ATXN8OS: variants seen among roughly 807,000 people sequenced by gnomAD.
The protein encoded by ATXN8OS is ATXN8 opposite strand (non-protein coding).
chr13:70,124,344 C>G (rs903662765), intron 2 of ATXN8OS, among the ~76,000 whole-genome samples: 2 of 151,972 alleles, frequency 1.3e-5, no homozygotes, highest in Non-Finnish European at 2.9e-5. Flanking sequence ...AATAATGTCA[C>G]GAGGTTGTGT....
chr13:70,165,987 C>T (rs1207334448), intron 4 of ATXN8OS, among the ~76,000 whole-genome samples: 4 of 151,870 alleles, frequency 2.6e-5, no homozygotes, highest in Non-Finnish European at 5.9e-5. Flanking sequence ...ACACATTTTC[C>T]TTTGATTGTT....
At chr13:70,152,356 TG>T (rs1888879109) in intron 4 of ATXN8OS, among the ~76,000 whole-genome samples, 1 of 151,956 alleles carries the variant, frequency 6.6e-6, no homozygotes, top group African/African-American at 2.4e-5. Context: ...CCTGTGTGTG[TG>T]TGTATATATA....
chr13:70,150,145 C>T (rs979478453), intron 4 of ATXN8OS, among the ~76,000 whole-genome samples: 6 of 152,052 alleles, frequency 3.9e-5, no homozygotes, highest in African/African-American at 1.4e-4. Flanking sequence ...AAGAGCAGAA[C>T]CATTCTTGCC....
chr13:70,111,323 G>C (rs2739858), intron 1 of ATXN8OS, among the ~76,000 whole-genome samples: 1 of 152,122 alleles, frequency 6.6e-6, no homozygotes, highest in African/African-American at 2.4e-5. Context: ...ATAAAGATAA[G>C]GAATTTATTT....
At chr13:70,150,572 G>A (rs1486406564) in intron 4 of ATXN8OS, among the ~76,000 whole-genome samples, 1 of 152,078 alleles carries the variant, frequency 6.6e-6, no homozygotes, top group African/African-American at 2.4e-5. Flanking sequence ...TACTCTAGGA[G>A]AAGTGGTAAG....
chr13:70,161,807 G>A (rs1889011732), intron 4 of ATXN8OS, among the ~76,000 whole-genome samples: 2 of 151,780 alleles, frequency 1.3e-5, no homozygotes, highest in Non-Finnish European at 1.5e-5. Context: ...TGCAAACAAT[G>A]AATCCTAATG....
intron 4 of ATXN8OS, among the ~76,000 whole-genome samples, chr13:70,168,015 C>A (rs537316347): frequency 1.3e-5 from 2 of 152,064 alleles, no homozygotes; most frequent in Non-Finnish European, 2.9e-5. Flanking sequence ...CGTGAGCCAC[C>A]GCGCCCGGCC....
intron 4 of ATXN8OS, among the ~76,000 whole-genome samples, chr13:70,162,731 A>G (rs1889025965): frequency 1.3e-5 from 2 of 152,124 alleles, no homozygotes; most frequent in Admixed American, 1.3e-4. Flanking sequence ...TTTTGTCTCT[A>G]TAATTAGATT....
At chr13:70,159,215 T>C (rs987162186) in intron 4 of ATXN8OS, among the ~76,000 whole-genome samples, 2 of 152,008 alleles carry the variant, frequency 1.3e-5, no homozygotes, top group African/African-American at 4.8e-5. Flanking sequence ...TTATTACACA[T>C]ATAGAAGAAT....
exon 5 of ATXN8OS, among the ~76,000 whole-genome samples, chr13:70,170,298 G>T (rs1431895164): frequency 6.6e-6 from 1 of 152,064 alleles, no homozygotes; most frequent in African/African-American, 2.4e-5. Context: ...TAACCTAAGT[G>T]TCTTCAAAAC....
chr13:70,147,568 G>A (rs1593772345), intron 4 of ATXN8OS, among the ~76,000 whole-genome samples: 1 of 152,072 alleles, frequency 6.6e-6, no homozygotes, highest in East Asian at 1.9e-4. Context: ...TATATATGGT[G>A]CCCAATTACC....
At chr13:70,157,774 A>G (rs1238691510) in intron 4 of ATXN8OS, among the ~76,000 whole-genome samples, 2 of 152,198 alleles carry the variant, frequency 1.3e-5, no homozygotes, top group African/African-American at 4.8e-5. Context: ...CCTGACTCCA[A>G]CTGGCCTAAC....
intron 4 of ATXN8OS, among the ~76,000 whole-genome samples, chr13:70,156,902 A>G (rs747522436): frequency 6.6e-6 from 1 of 152,170 alleles, no homozygotes; most frequent in Non-Finnish European, 1.5e-5. Flanking sequence ...GAAGACAGGA[A>G]ATCAGCTGGC....
intron 4 of ATXN8OS, among the ~76,000 whole-genome samples, chr13:70,150,964 A>G (rs913279605): frequency 6.6e-6 from 1 of 151,996 alleles, no homozygotes; most frequent in Non-Finnish European, 1.5e-5. Context: ...ATATTTTTTT[A>G]AAAAACAGCT....
chr13:70,108,274 T>A (rs544745914), intron 1 of ATXN8OS: 16 of 372,374 alleles, frequency 4.3e-5, no homozygotes, highest in Admixed American at 3.7e-4. Context: ...GTCCCTGGCC[T>A]TTTCGAGGAT....
chr13:70,152,183 C>T (rs1198565705), intron 4 of ATXN8OS, among the ~76,000 whole-genome samples: 1 of 152,008 alleles, frequency 6.6e-6, no homozygotes, highest in Non-Finnish European at 1.5e-5. Context: ...ACATGGGATG[C>T]TCCTGTTTCT....
intron 3 of ATXN8OS, among the ~76,000 whole-genome samples, chr13:70,140,533 C>CCA (rs1555300644): frequency 5.3e-5 from 7 of 133,040 alleles, no homozygotes; most frequent in Non-Finnish European, 1.1e-4. Context: ...CACACACACA[C>CCA]AAAAAAAAAA....
rs1888658849 is a variant in ATXN8OS, at chr13:70,139,085, A to G, written n.500-8270A>G. 2.0e-5 allele frequency among the ~76,000 whole-genome samples: 3 copies of G among 152,158 alleles called. No homozygotes were observed. The South Asian group carries it at 6.2e-4, about 31-fold the overall frequency. On this transcript the variant is annotated intron_variant and non_coding_transcript_variant, in intron 3 of 4. Coordinates refer to ENST00000678624, the Ensembl canonical transcript of ATXN8OS. ...AATCATTTATCGAAGTATGAGAAGT[A>G]CCTATCATATTTTGGTAAATAATAC...
chr13:70,155,723 G>C (rs1038382835), intron 4 of ATXN8OS, among the ~76,000 whole-genome samples: 1 of 151,288 alleles, frequency 6.6e-6, no homozygotes, highest in African/African-American at 2.4e-5. Flanking sequence ...GCTTCTCATA[G>C]GTGGGTCACC....
Sources: allele counts gnomAD v4.1 joint callset (sites outside exome capture counted in the v4.1 genomes callset), GRCh38; gene constraint gnomAD v4.1.1; transcripts MANE v1.5; gene names NCBI Gene and HGNC (gene_info 2026-07-23, HGNC 2026-07-21).